CNTNAP5: variants seen among roughly 807,000 people sequenced by gnomAD.
The protein encoded by CNTNAP5 is contactin associated protein family member 5.
CNTNAP5 carries 72 observed loss-of-function variants against 150.2 expected under a neutral mutation model. The observed-to-expected ratio is 0.48, with a 90% CI of 0.40 to 0.58. The LOEUF (loss-of-function observed/expected upper bound fraction) is 0.58. Ranked by LOEUF, CNTNAP5 falls within the 20% of genes least tolerant of loss-of-function variation. CNTNAP5 has a pLI of 0.00. For missense variants in CNTNAP5, 1,636 were observed against 1,626.2 expected (o/e 1.01, Z -0.10); for synonymous variants, 672 against 619.8 (o/e 1.08, Z -1.25).
chr2:124,798,156 C>T lies in CNTNAP5; in HGVS notation c.3053C>T (p.Pro1018Leu). 6.2e-7 allele frequency: 1 copy of T among 1,613,774 alleles called. No homozygotes were observed. ...ACTTACATGTTTCAAGAACCCTATC[C>T]TGTGACCAAGAATATAAGCCTCTCA... is the stretch of plus-strand genomic sequence containing the variant. Reference protein sequence around the residue: ...SVTYMFQEPYPVTKNISLSSS... With the variant: ...SVTYMFQEPYLVTKNISLSSS... The change falls in exon 19 of 24, where the codon CCT becomes CTT. Residue 1018 changes from proline to leucine, a missense_variant. Physicochemically the swap from Pro to Leu is moderately conservative, Grantham distance 98. Transcript: ENST00000682447.
At position 124,646,016 on chromosome 2, in the gene CNTNAP5, C is replaced by T. The variant is rs576003106; in HGVS notation, c.1877-1742C>T. ...CCACTCCCAAGACCCAAACACCTCC[C>T]TCCAGGTCCCATCTCCAACACTGGG... On this transcript the variant is annotated intron_variant, in intron 12 of 23. Transcript: ENST00000682447. 2.0e-5 allele frequency among the ~76,000 whole-genome samples: 3 copies of T among 152,294 alleles called. No individual in the cohort carries two copies. The South Asian group carries it at 6.2e-4, about 32-fold the overall frequency.
At chr2:124,428,495 C>T (rs1692294137) in intron 4 of CNTNAP5, among the ~76,000 whole-genome samples, 1 of 152,168 alleles carries the variant, frequency 6.6e-6, no homozygotes, top group Non-Finnish European at 1.5e-5. Context: ...GGCATTGTAC[C>T]TCTACCATAA....
chr2:124,345,453 T>A (rs1027485623), intron 3 of CNTNAP5, among the ~76,000 whole-genome samples: 7 of 152,134 alleles, frequency 4.6e-5, no homozygotes, highest in African/African-American at 1.7e-4. Context: ...GGTGGAGACC[T>A]GCTGTCATTA....
intron 1 of CNTNAP5, among the ~76,000 whole-genome samples, chr2:124,032,804 G>A (rs1681093811): frequency 6.6e-6 from 1 of 152,124 alleles, no homozygotes; most frequent in South Asian, 2.1e-4. Flanking sequence ...AATACCAAAC[G>A]ACCATATTCT....
In CNTNAP5 at chr2:124,134,316, C is replaced by T. The variant is rs768561704; in HGVS notation, c.83-87389C>T. Among the ~76,000 whole-genome samples the T allele has an allele frequency of 1.1e-4, 16 of 150,434 alleles. No homozygotes were observed. In the South Asian group the frequency reaches 3.2e-3, roughly 30 times the overall value. On this transcript the variant is annotated intron_variant, in intron 1 of 23. Coordinates refer to ENST00000682447, the MANE Select transcript of CNTNAP5 (RefSeq NM_001367498.1). ...GTATATTAAAGGGAAATAGGGCTGA[C>T]ACAATTGAGAAATACTCCTCCACAC...
intron 10 of CNTNAP5, among the ~76,000 whole-genome samples, chr2:124,532,902 A>G (rs1459446948): frequency 6.6e-6 from 1 of 152,100 alleles, no homozygotes; most frequent in Non-Finnish European, 1.5e-5. Flanking sequence ...CTCTGGCCAA[A>G]GGTTTGCCGG....
At chr2:124,040,265 G>T (rs1681330687) in intron 1 of CNTNAP5, among the ~76,000 whole-genome samples, 2 of 151,984 alleles carry the variant, frequency 1.3e-5, no homozygotes, top group Non-Finnish European at 2.9e-5. Flanking sequence ...TATTCGGCTT[G>T]ACATTTCAAT....
intron 11 of CNTNAP5, among the ~76,000 whole-genome samples, chr2:124,598,026 A>C (rs1238383985): frequency 2.3e-3 from 200 of 88,346 alleles, no homozygotes; most frequent in African/African-American, 8.0e-3. Flanking sequence ...TGTATTGGTT[A>C]TTCTAGTTAT....
At chr2:124,048,862 T>C (rs1213956) in intron 1 of CNTNAP5, among the ~76,000 whole-genome samples, 36,378 of 152,158 alleles carry the variant, frequency 0.24, 4,756 homozygotes, top group Non-Finnish European at 0.31. Flanking sequence ...CACAGTGTCC[T>C]TGAAGAATAT....
chr2:124,660,129 C>T (rs1033294184), intron 13 of CNTNAP5, among the ~76,000 whole-genome samples: 2 of 152,108 alleles, frequency 1.3e-5, no homozygotes, highest in Non-Finnish European at 2.9e-5. Context: ...GTTTCAGATA[C>T]TTCCCAGCAT....
intron 13 of CNTNAP5, among the ~76,000 whole-genome samples, chr2:124,706,142 T>A (rs1679631637): frequency 6.6e-6 from 1 of 152,108 alleles, no homozygotes; most frequent in African/African-American, 2.4e-5. Context: ...CTCCACACCA[T>A]CTCCAGCAAA....
intron 1 of CNTNAP5, among the ~76,000 whole-genome samples, chr2:124,049,620 A>G (rs1013334147): frequency 2.0e-5 from 3 of 152,196 alleles, no homozygotes; most frequent in African/African-American, 7.2e-5. Context: ...TAGCCTTGTT[A>G]CCTTCTGAGC....
At chr2:124,876,134 T>G (rs1677856730) in intron 21 of CNTNAP5, among the ~76,000 whole-genome samples, 3 of 152,196 alleles carry the variant, frequency 2.0e-5, no homozygotes, top group Middle Eastern at 6.8e-3. Flanking sequence ...AGTTCAACAT[T>G]CCATGTGGAA....
chr2:124,147,316 CTA>C (rs1684278585), intron 1 of CNTNAP5, among the ~76,000 whole-genome samples: 2 of 152,134 alleles, frequency 1.3e-5, no homozygotes, highest in Non-Finnish European at 2.9e-5. Flanking sequence ...AGCTAACACA[CTA>C]TATATTAGCT....
chr2:124,142,947 G>C (rs1243550699), intron 1 of CNTNAP5, among the ~76,000 whole-genome samples: 2 of 130,600 alleles, frequency 1.5e-5, no homozygotes, highest in Admixed American at 1.6e-4. Context: ...AATAAAAAAT[G>C]ATAAAGGGGA....
chr2:124,538,084 T>A (rs995830450), intron 10 of CNTNAP5, among the ~76,000 whole-genome samples: 1 of 152,192 alleles, frequency 6.6e-6, no homozygotes, highest in African/African-American at 2.4e-5. Flanking sequence ...AAGTGCTGTA[T>A]TTTTGCGATT....
rs186748120 is a variant in CNTNAP5, at chr2:124,165,838, G to C, written c.83-55867G>C. On this transcript the variant is annotated intron_variant, in intron 1 of 23. Coordinates refer to ENST00000682447, the MANE Select transcript of CNTNAP5 (RefSeq NM_001367498.1). ...ATAAAACCCCCAGATTGCTGACTTG[G>C]CTTTGGTAGAAATCTGAATGTTTTA... 1.5e-3 allele frequency among the ~76,000 whole-genome samples: 231 copies of C among 152,262 alleles called. 3 individuals carry two copies. Among genetic ancestry groups the C allele is most frequent in the Admixed American group, 3.5e-3 (53 of 15,294 alleles).
chr2:124,463,550 T>A (rs1693303016), intron 6 of CNTNAP5, among the ~76,000 whole-genome samples: 1 of 152,190 alleles, frequency 6.6e-6, no homozygotes, highest in African/African-American at 2.4e-5. Context: ...TGGCGTCTGC[T>A]GCTATCACTG....
chr2:124,400,669 GT>G (rs760418441), intron 3 of CNTNAP5, among the ~76,000 whole-genome samples: 1,094 of 84,458 alleles, frequency 0.013, 6 homozygotes, highest in African/African-American at 0.034. Flanking sequence ...TAAAGGCATT[GT>G]TTTTTTTTTT....
Sources: gnomAD v4.1 joint callset for allele counts (sites outside exome capture counted in the v4.1 genomes callset) on GRCh38, gnomAD v4.1.1 for gene constraint, MANE v1.5 for transcripts, NCBI Gene and HGNC (gene_info 2026-07-23, HGNC 2026-07-21) for gene names.